The following INO80C variants were observed in gnomAD, a reference collection of about 807,000 sequenced individuals.
The protein encoded by INO80C is INO80 complex subunit C, also known as IES6 homolog.
In INO80C, 17 loss-of-function variants were observed where a neutral mutation model predicts 17.7. The observed-to-expected ratio is 0.96, with a 90% confidence interval of 0.66 to 1.44. INO80C has a LOEUF of 1.44. INO80C is among the 40% of genes most tolerant of loss of function. The probability of loss-of-function intolerance (pLI) is 0.00; values close to 1 mark genes in which losing one functional copy is unlikely to be tolerated. For synonymous variants in INO80C, 96 were observed against 95.8 expected, an observed-to-expected ratio of 1.00 and a Z score of -0.01; for missense variants, 244 against 245.0, an observed-to-expected ratio of 1.00 and a Z score of 0.03.
chr18:35,497,797 G>C lies in INO80C; in HGVS notation c.78C>G (p.Ser26Arg), dbSNP rs774076505. 4 of 1,612,992 alleles carry C rather than the reference G, an allele frequency of 2.5e-6. No homozygotes were observed. Among genetic ancestry groups the C allele is most frequent in the Non-Finnish European group, 3.4e-6 (4 of 1,179,490 alleles). ...IVRNSKKRPA[S>R]PSHNGSSGGG... ...CGCCGCTGCTGCCATTGTGGGAAGG[G>C]CTGGCCGGCCTCTTCTTGCTGTTCC... Residue 26 changes from serine (S) to arginine (R), a missense_variant, in exon 1 of 5, where the codon AGC becomes AGG. By Grantham distance (110) the Ser-to-Arg change is moderately radical (BLOSUM62 -1). Transcript: ENST00000334598.
intron 4 of INO80C, 101 bp downstream of exon 4, chr18:35,478,181 C>T (rs2045759881): frequency 1.1e-6 from 1 of 893,184 alleles, no homozygotes; most frequent in African/African-American, 1.7e-5. Flanking sequence ...TAGACAGGCT[C>T]CAGGCAGGAC....
chr18:35,474,305 T>C (rs894360875), intron 4 of INO80C, among the ~76,000 whole-genome samples: 10 of 145,828 alleles, frequency 6.9e-5, no homozygotes, highest in Admixed American at 4.9e-4. Context: ...CCGAATATGA[T>C]GTAGGTTTTG....
intron 1 of INO80C, among the ~76,000 whole-genome samples, chr18:35,493,930 A>C (rs1468446853): frequency 6.6e-6 from 1 of 152,232 alleles, no homozygotes; most frequent in African/African-American, 2.4e-5. Flanking sequence ...CCTCTAACTC[A>C]AGAAATACAA....
intron 4 of INO80C, among the ~76,000 whole-genome samples, chr18:35,470,652 C>T (rs1044859610): frequency 6.6e-6 from 1 of 152,188 alleles, no homozygotes. Flanking sequence ...AGCCGGCCCG[C>T]CCAAGTTCAG....
chr18:35,477,187 T>G (rs1391537429), intron 4 of INO80C, among the ~76,000 whole-genome samples: 1 of 151,974 alleles, frequency 6.6e-6, no homozygotes, highest in Non-Finnish European at 1.5e-5. Flanking sequence ...GAGGCTGGAG[T>G]GAGCCAAGAG....
At chr18:35,483,122 T>C (rs2045833373) in intron 1 of INO80C, among the ~76,000 whole-genome samples, 1 of 152,274 alleles carries the variant, frequency 6.6e-6, no homozygotes, top group Non-Finnish European at 1.5e-5. Context: ...ACTAAGATTA[T>C]TTTCATTGGG....
At chr18:35,485,439 A>C (rs1274705397) in intron 1 of INO80C, among the ~76,000 whole-genome samples, 4 of 152,250 alleles carry the variant, frequency 2.6e-5, no homozygotes, top group Admixed American at 2.6e-4. Context: ...GCCAGTAAGC[A>C]CGTGAAAAGA....
chr18:35,473,682 C>T (rs955544532), intron 4 of INO80C, among the ~76,000 whole-genome samples: 1 of 152,170 alleles, frequency 6.6e-6, no homozygotes, highest in African/African-American at 2.4e-5. Context: ...AGAGAGATCT[C>T]TATAACACTC....
intron 1 of INO80C, among the ~76,000 whole-genome samples, chr18:35,495,244 T>C (rs2045969644): frequency 6.6e-6 from 1 of 152,170 alleles, no homozygotes; most frequent in Non-Finnish European, 1.5e-5. Context: ...GCTTGGGTTA[T>C]GTGGTGAAAT....
In INO80C at chr18:35,483,057, C is replaced by CCATTT. The variant is rs199522600; in HGVS notation, c.157-2499_157-2495dup. 7.4e-3 allele frequency among the ~76,000 whole-genome samples: 1,123 copies of CCATTT among 152,308 alleles called. 16 individuals are homozygous for CCATTT. Among genetic ancestry groups the CCATTT allele is most frequent in the African/African-American group, 0.025 (1,020 of 41,570 alleles). On this transcript the variant is annotated intron_variant, in intron 1 of 4. Transcript: ENST00000334598. ...CTTTTCTGGTGCGATATCCATTTAG[C>CCATTT]CATTTTCTATACAGCAAAAAGAGTC...
In INO80C at chr18:35,480,503, G is replaced by A. The variant is rs918175241; in HGVS notation, c.217C>T (p.Pro73Ser). 1.7e-5 allele frequency: 28 copies of A among 1,613,990 alleles called. No individual in the cohort carries two copies. The highest frequency in any genetic ancestry group is 2.3e-5 in the Non-Finnish European group (27 of 1,179,960). ...AAAGGTTTGGCAGCTTTTTCCACAG[G>A]TCCTGTGCTAAACTCAGAGGGCACC... is the stretch of plus-strand genomic sequence containing the variant. ...KMVPSEFSTGPVEKAAKPLPF... is the reference protein window; with the variant it reads ...KMVPSEFSTGSVEKAAKPLPF... Residue 73 changes from proline (P) to serine (S), a missense_variant, in exon 2 of 5, where the codon CCT (proline) becomes TCT (serine). Pro to Ser is a moderately conservative substitution (Grantham distance 74). Coordinates refer to ENST00000334598, the MANE Select transcript of INO80C (RefSeq NM_194281.4).
At chr18:35,486,103 G>A (rs1312630281) in intron 1 of INO80C, among the ~76,000 whole-genome samples, 2 of 152,218 alleles carry the variant, frequency 1.3e-5, no homozygotes, top group Non-Finnish European at 2.9e-5. Flanking sequence ...GCAGCAGAGT[G>A]AGCCCCTGTC....
chr18:35,485,622 AT>A (rs986116130), intron 1 of INO80C, among the ~76,000 whole-genome samples: 3 of 152,178 alleles, frequency 2.0e-5, no homozygotes, highest in African/African-American at 4.8e-5. Context: ...CAAAAACACC[AT>A]TAAAAAAAAA....
chr18:35,475,925 T>C (rs558703977), intron 4 of INO80C, among the ~76,000 whole-genome samples: 105 of 151,592 alleles, frequency 6.9e-4, no homozygotes, highest in African/African-American at 2.4e-3. Context: ...AAAGCACAAA[T>C]TAACAGCCAT....
chr18:35,471,559 T>A (rs1214461306), intron 4 of INO80C, among the ~76,000 whole-genome samples: 1 of 152,216 alleles, frequency 6.6e-6, no homozygotes, highest in African/African-American at 2.4e-5. Flanking sequence ...ATGCGGTCTC[T>A]CATAAGCATT....
chr18:35,484,095 C>A (rs1479807182), intron 1 of INO80C, among the ~76,000 whole-genome samples: 1 of 151,964 alleles, frequency 6.6e-6, no homozygotes, highest in Non-Finnish European at 1.5e-5. Context: ...CTATGTAATC[C>A]AAGGTTAAAG....
At position 35,496,554 on chromosome 18, in the gene INO80C, A is replaced by AGTTTT. The variant is rs369834850; in HGVS notation, c.156+1160_156+1164dup. On this transcript the variant is annotated intron_variant, in intron 1 of 4. Coordinates refer to ENST00000334598, the MANE Select transcript of INO80C (RefSeq NM_194281.4). ...AAATGTAAAAGGGCACTGGATCTGT[A>AGTTTT]GTTTTGTTTTGTTTTGTTTTGTTTG... 2.2e-4 allele frequency among the ~76,000 whole-genome samples: 34 copies of AGTTTT among 152,226 alleles called. No individual in the cohort carries two copies. The East Asian group carries it at 2.7e-3, about 12-fold the overall frequency.
rs541383880 is a variant in INO80C, at chr18:35,495,151, G to A, written c.156+2568C>T. On this transcript the variant is annotated intron_variant, in intron 1 of 4. Coordinates refer to ENST00000334598, the MANE Select transcript of INO80C (RefSeq NM_194281.4). ...AGCAAGGCAAAAATCTAAGACAACCGGGCACAGTGGCTCATGCCTGTAATC... is the reference window on the plus strand; with the variant it reads ...AGCAAGGCAAAAATCTAAGACAACCAGGCACAGTGGCTCATGCCTGTAATC... Among the ~76,000 whole-genome samples, 7 of 152,338 alleles carry A rather than the reference G, an allele frequency of 4.6e-5. No individual in the cohort carries two copies. The East Asian group carries it at 5.8e-4, about 13-fold the overall frequency.
chr18:35,497,810 T>C lies in INO80C; in HGVS notation c.65A>G (p.Lys22Arg). The change falls in exon 1 of 5, where the codon AAG becomes AGG. Residue 22 changes from lysine to arginine, a missense_variant. Coordinates refer to ENST00000334598, the MANE Select transcript of INO80C (RefSeq NM_194281.4). Reference protein sequence around the residue: ...STPGIVRNSKKRPASPSHNGS... With the variant: ...STPGIVRNSKRRPASPSHNGS... ...ATTGTGGGAAGGGCTGGCCGGCCTCTTCTTGCTGTTCCGGACTATTCCGGG... is the reference window on the plus strand; with the variant it reads ...ATTGTGGGAAGGGCTGGCCGGCCTCCTCTTGCTGTTCCGGACTATTCCGGG... The C allele has an allele frequency of 3.7e-6, 6 of 1,612,894 alleles. No individual in the cohort carries two copies. The highest frequency in any genetic ancestry group is 5.1e-6 in the Non-Finnish European group (6 of 1,179,422).
Sources: allele counts gnomAD v4.1 joint callset (sites outside exome capture counted in the v4.1 genomes callset), GRCh38; gene constraint gnomAD v4.1.1; transcripts MANE v1.5; gene names NCBI Gene and HGNC (gene_info 2026-07-23, HGNC 2026-07-21).